The following CNBD1 variants were observed in gnomAD, a reference collection of about 807,000 sequenced individuals.
The protein encoded by CNBD1 is cyclic nucleotide-binding domain-containing protein 1.
A neutral mutation model predicts 54.4 loss-of-function variants in CNBD1; 71 were observed. That is an observed-to-expected ratio of 1.30 (90% CI 1.08 to 1.59). The LOEUF is 1.59. Among genes scored for constraint, CNBD1 ranks in the 40% most tolerant of loss-of-function variants. The probability of loss-of-function intolerance (pLI) is 0.00; values close to 1 mark genes in which losing one functional copy is unlikely to be tolerated. For synonymous variants in CNBD1, 182 were observed against 170.7 expected (o/e 1.07, Z -0.51); for missense variants, 659 against 518.0 (o/e 1.27, Z -2.64).
chr8:87,260,335 A>G (rs148093904), intron 6 of CNBD1, among the ~76,000 whole-genome samples: 1 of 152,188 alleles, frequency 6.6e-6, no homozygotes, highest in African/African-American at 2.4e-5. Context: ...TTTTTTGTTT[A>G]TTTCAGGGAC....
intron 6 of CNBD1, among the ~76,000 whole-genome samples, chr8:87,273,148 G>A (rs1264118930): frequency 6.6e-6 from 1 of 151,778 alleles, no homozygotes; most frequent in African/African-American, 2.4e-5. Context: ...TATAACAGTA[G>A]TACAGTAACG....
At chr8:87,337,293 TAGG>T (rs1415878154) in intron 8 of CNBD1, among the ~76,000 whole-genome samples, 2 of 152,010 alleles carry the variant, frequency 1.3e-5, no homozygotes, top group Non-Finnish European at 2.9e-5. Context: ...TTATCAGAGC[TAGG>T]AGGAGGAAAG....
intron 4 of CNBD1, among the ~76,000 whole-genome samples, chr8:86,951,952 C>T (rs1162988503): frequency 1.3e-5 from 2 of 152,162 alleles, no homozygotes; most frequent in Non-Finnish European, 2.9e-5. Context: ...AATTGGTCCA[C>T]AAGGAAATTC....
intron 4 of CNBD1, among the ~76,000 whole-genome samples, chr8:87,183,722 A>G (rs1563498901): frequency 6.6e-6 from 1 of 152,030 alleles, no homozygotes; most frequent in Non-Finnish European, 1.5e-5. Flanking sequence ...TTTGTATTCT[A>G]TGATACTCTT....
At chr8:86,967,256 C>A (rs1267980630) in intron 4 of CNBD1, among the ~76,000 whole-genome samples, 1 of 152,224 alleles carries the variant, frequency 6.6e-6, no homozygotes, top group African/African-American at 2.4e-5. Flanking sequence ...GTGGCTGAAG[C>A]CACACCCAGG....
At chr8:87,164,090 T>C (rs902458261) in intron 4 of CNBD1, among the ~76,000 whole-genome samples, 1 of 151,984 alleles carries the variant, frequency 6.6e-6, no homozygotes, top group East Asian at 1.9e-4. Context: ...TACTGTGGTA[T>C]ATTACATTGT....
intron 10 of CNBD1, among the ~76,000 whole-genome samples, chr8:87,368,104 G>C (rs1211674912): frequency 1.3e-5 from 2 of 151,152 alleles, no homozygotes; most frequent in East Asian, 3.9e-4. Context: ...GGAGGTTGCA[G>C]TGAGCCTAGA....
chr8:87,035,611 T>G (rs1305257048), intron 4 of CNBD1, among the ~76,000 whole-genome samples: 1 of 152,234 alleles, frequency 6.6e-6, no homozygotes, highest in African/African-American at 2.4e-5. Flanking sequence ...TAATGCTGTC[T>G]TCTTTTTATT....
intron 4 of CNBD1, among the ~76,000 whole-genome samples, chr8:87,205,320 C>A (rs1302923028): frequency 6.6e-6 from 1 of 152,140 alleles, no homozygotes; most frequent in Non-Finnish European, 1.5e-5. Context: ...GCGTGAGCCA[C>A]CACGCCTGGC....
intron 5 of CNBD1, among the ~76,000 whole-genome samples, chr8:87,222,223 A>G (rs116610371): frequency 0.015 from 2,246 of 152,276 alleles, 72 homozygotes; most frequent in African/African-American, 0.051. Flanking sequence ...AAGGAAAAAA[A>G]AAGAGTTGAT....
intron 4 of CNBD1, among the ~76,000 whole-genome samples, chr8:87,076,827 A>T (rs992742537): frequency 2.6e-5 from 4 of 152,214 alleles, no homozygotes; most frequent in Admixed American, 1.3e-4. Context: ...TGTAACTGAG[A>T]GATTTATTTG....
At chr8:86,937,055 T>C (rs1284068750) in intron 3 of CNBD1, among the ~76,000 whole-genome samples, 5 of 152,192 alleles carry the variant, frequency 3.3e-5, no homozygotes, top group African/African-American at 1.2e-4. Context: ...TACCTGAGAC[T>C]GAGTAATTTA....
chr8:87,335,965 G>T (rs923226068), intron 8 of CNBD1, among the ~76,000 whole-genome samples: 7 of 152,136 alleles, frequency 4.6e-5, no homozygotes, highest in Non-Finnish European at 8.8e-5. Context: ...TGCTTCTGAA[G>T]CTTAGTTTGG....
chr8:87,123,733 T>G (rs1328444972), intron 4 of CNBD1, among the ~76,000 whole-genome samples: 1 of 151,582 alleles, frequency 6.6e-6, no homozygotes, highest in Non-Finnish European at 1.5e-5. Context: ...AAGAGTTGGT[T>G]TTTTGAAAAG....
intron 2 of CNBD1, among the ~76,000 whole-genome samples, chr8:87,423,454 G>A (rs907251253): frequency 9.2e-5 from 14 of 151,882 alleles, no homozygotes; most frequent in African/African-American, 2.2e-4. Flanking sequence ...TGTCCCATCA[G>A]TACCTACTTT....
At chr8:87,055,096 C>T (rs553973925) in intron 4 of CNBD1, among the ~76,000 whole-genome samples, 3 of 152,228 alleles carry the variant, frequency 2.0e-5, no homozygotes, top group Admixed American at 1.3e-4. Context: ...TCACTGATTA[C>T]GTTGTCTGGG....
chr8:86,917,118 G>A lies in CNBD1; in HGVS notation c.272+11924G>A, dbSNP rs546469812. 2.9e-3 allele frequency among the ~76,000 whole-genome samples: 440 copies of A among 151,426 alleles called. 1 individual carries two copies. Among genetic ancestry groups the A allele is most frequent in the African/African-American group, 9.4e-3 (388 of 41,324 alleles). On this transcript the variant is annotated intron_variant, in intron 3 of 10. Transcript: ENST00000518476. ...GTCTCTTGACATTGTGATCCAGCCTGGTGACAGAGCGAGACTCTGTCTCAA... is the reference window on the plus strand; with the variant it reads ...GTCTCTTGACATTGTGATCCAGCCTAGTGACAGAGCGAGACTCTGTCTCAA...
intron 3 of CNBD1, among the ~76,000 whole-genome samples, chr8:86,906,520 A>G (rs1045639947): frequency 5.3e-5 from 8 of 152,088 alleles, no homozygotes; most frequent in Admixed American, 3.3e-4. Flanking sequence ...CAATGCTTAT[A>G]CTGTGATTTA....
chr8:87,347,143 A>T (rs1228312099), intron 8 of CNBD1, among the ~76,000 whole-genome samples: 1 of 152,176 alleles, frequency 6.6e-6, no homozygotes. Context: ...CCAGACAGAT[A>T]CAACTGTACA....
Sources: gnomAD v4.1 joint callset for allele counts (sites outside exome capture counted in the v4.1 genomes callset) on GRCh38, gnomAD v4.1.1 for gene constraint, MANE v1.5 for transcripts, NCBI Gene and HGNC (gene_info 2026-07-23, HGNC 2026-07-21) for gene names.